The following CATSPER3 variants were observed in gnomAD, a reference collection of about 807,000 sequenced individuals.
CATSPER3 encodes the protein cation channel sperm-associated protein 3.
In CATSPER3, 23 loss-of-function variants were observed where a neutral mutation model predicts 36.6. The ratio of observed to expected loss-of-function variants is 0.63; its 90% CI spans 0.45 to 0.89. The LOEUF (loss-of-function observed/expected upper bound fraction) is 0.89, where lower values mean the gene tolerates loss of function less well. Among genes scored for constraint, CATSPER3 ranks in the 40% least tolerant of loss-of-function variants. CATSPER3 has a pLI of 0.00. For missense variants in CATSPER3, 474 were observed against 503.9 expected, an observed-to-expected ratio of 0.94 and a Z score of 0.57; for synonymous variants, 172 against 184.1, an observed-to-expected ratio of 0.93 and a Z score of 0.53.
chr5:134,977,775 G>T (rs1420730487), intron 2 of CATSPER3, among the ~76,000 whole-genome samples: 1 of 152,106 alleles, frequency 6.6e-6, no homozygotes, highest in African/African-American at 2.4e-5. Context: ...AAGAAAAGAG[G>T]TTATATTTTG....
intron 2 of CATSPER3, among the ~76,000 whole-genome samples, chr5:134,984,861 A>T (rs1751790735): frequency 6.6e-6 from 1 of 150,630 alleles, no homozygotes; most frequent in Admixed American, 6.6e-5. Context: ...TGTTGCCCAG[A>T]CTGGAGTGCA....
chr5:134,982,988 A>G (rs780222534), intron 2 of CATSPER3, among the ~76,000 whole-genome samples: 2 of 152,196 alleles, frequency 1.3e-5, no homozygotes, highest in Non-Finnish European at 2.9e-5. Context: ...TTAAAAATAG[A>G]TTGTTATAAA....
chr5:134,998,872 C>T (rs1183959875), intron 3 of CATSPER3, among the ~76,000 whole-genome samples: 1 of 152,202 alleles, frequency 6.6e-6, no homozygotes, highest in African/African-American at 2.4e-5. Flanking sequence ...GTTGCCTGTT[C>T]ACTCTGACGG....
intron 2 of CATSPER3, among the ~76,000 whole-genome samples, chr5:134,987,555 T>G (rs2149548724): frequency 6.6e-6 from 1 of 152,110 alleles, no homozygotes; most frequent in East Asian, 1.9e-4. Context: ...ATACAAAAAT[T>G]GTCATTGAGA....
intron 2 of CATSPER3, among the ~76,000 whole-genome samples, chr5:134,979,378 C>T (rs756739539): frequency 4.6e-5 from 7 of 152,140 alleles, no homozygotes; most frequent in African/African-American, 7.2e-5. Flanking sequence ...CTCAAGTGAT[C>T]CACTCACCTT....
intron 2 of CATSPER3, among the ~76,000 whole-genome samples, chr5:134,970,724 A>T (rs909980192): frequency 6.6e-6 from 1 of 151,424 alleles, no homozygotes; most frequent in Non-Finnish European, 1.5e-5. Context: ...GGCACACACC[A>T]TCATGCTTGG....
chr5:134,978,805 C>T (rs1036708077), intron 2 of CATSPER3, among the ~76,000 whole-genome samples: 11 of 151,490 alleles, frequency 7.3e-5, no homozygotes, highest in South Asian at 2.1e-4. Flanking sequence ...CTGCAAGCTC[C>T]GCCTACCAGG....
intron 2 of CATSPER3, among the ~76,000 whole-genome samples, chr5:134,971,588 T>C (rs929655286): frequency 5.3e-5 from 8 of 152,114 alleles, no homozygotes; most frequent in Admixed American, 2.6e-4. Context: ...TATTAGAAAG[T>C]GTGATGGGCT....
chr5:134,987,798 T>G (rs1751829693), intron 2 of CATSPER3, among the ~76,000 whole-genome samples: 2 of 152,220 alleles, frequency 1.3e-5, no homozygotes, highest in African/African-American at 2.4e-5. Flanking sequence ...GGAAATTCCT[T>G]AACTTGATAA....
chr5:134,995,955 T>C, intron 2 of CATSPER3: 1 of 428,396 alleles, frequency 2.3e-6, no homozygotes, highest in Non-Finnish European at 4.4e-6. Context: ...TCTTGGGACC[T>C]TCCCTTGGGA....
intron 3 of CATSPER3, among the ~76,000 whole-genome samples, chr5:135,005,900 G>T (rs924061405): frequency 2.6e-5 from 4 of 152,206 alleles, no homozygotes; most frequent in African/African-American, 9.6e-5. Flanking sequence ...TGTAGGAGGG[G>T]TCCCTCCAAG....
chr5:134,969,027 A>G (rs1751568629), intron 1 of CATSPER3: 1 of 152,252 alleles, frequency 6.6e-6, no homozygotes, highest in Non-Finnish European at 1.5e-5. Context: ...AAAATGGATC[A>G]TAAACATTTT....
At chr5:134,990,262 G>A (rs1028556755) in intron 2 of CATSPER3, among the ~76,000 whole-genome samples, 8 of 152,150 alleles carry the variant, frequency 5.3e-5, no homozygotes, top group Non-Finnish European at 7.3e-5. Context: ...GGTTTTATAC[G>A]TTTCAGGCAG....
intron 3 of CATSPER3, among the ~76,000 whole-genome samples, chr5:135,002,020 T>G (rs1214089808): frequency 6.6e-6 from 1 of 152,210 alleles, no homozygotes; most frequent in Non-Finnish European, 1.5e-5. Flanking sequence ...GTTAGCTGGT[T>G]ATTTTGCTCG....
At chr5:134,972,172 C>T (rs947217937) in intron 2 of CATSPER3, among the ~76,000 whole-genome samples, 3 of 152,130 alleles carry the variant, frequency 2.0e-5, no homozygotes, top group Non-Finnish European at 2.9e-5. Flanking sequence ...TGAGCACTGA[C>T]GTGACACTCA....
Position 135,008,095 on chromosome 5 carries a change from G to C in CATSPER3, c.631G>C (p.Gly211Arg). 6.2e-7 allele frequency: 1 copy of C among 1,614,166 alleles called. No homozygotes were observed. Among genetic ancestry groups the C allele is most frequent in the Non-Finnish European group, 8.5e-7 (1 of 1,180,026 alleles). The stretch of plus-strand genomic sequence containing the variant: ...AGACAATGGTGACCATGATAACTGG[G>C]GGAACCTGGCTGCAGCTTTTTTCAC... Reference protein sequence around the residue: ...SPDNGDHDNWGNLAAAFFTLF... With the variant: ...SPDNGDHDNWRNLAAAFFTLF... Residue 211 changes from glycine to arginine, a missense_variant, in exon 4 of 8, where the codon GGG becomes CGG. Physicochemically the swap from Gly to Arg is moderately radical, Grantham distance 125. Transcript: ENST00000282611.
At chr5:134,978,955 C>T (rs1269807382) in intron 2 of CATSPER3, among the ~76,000 whole-genome samples, 1 of 152,088 alleles carries the variant, frequency 6.6e-6, no homozygotes, top group East Asian at 1.9e-4. Flanking sequence ...ATCTCCTGAC[C>T]TTGTGATCTG....
At chr5:135,007,859 G>A in intron 3 of CATSPER3, 98 bp from the exon 4 acceptor site, 3 of 681,848 alleles carry the variant, frequency 4.4e-6, no homozygotes, top group Non-Finnish European at 7.2e-6. Flanking sequence ...GGCAACAGTT[G>A]CTGGGGACAG....
chr5:134,978,378 C>T (rs1330839127), intron 2 of CATSPER3, among the ~76,000 whole-genome samples: 1 of 152,160 alleles, frequency 6.6e-6, no homozygotes, highest in Non-Finnish European at 1.5e-5. Flanking sequence ...TGACATTACA[C>T]ATTGTATATA....
Sources: gnomAD v4.1 joint callset for allele counts (sites outside exome capture counted in the v4.1 genomes callset) on GRCh38, gnomAD v4.1.1 for gene constraint, MANE v1.5 for transcripts, NCBI Gene and HGNC (gene_info 2026-07-23, HGNC 2026-07-21) for gene names.